Variants in CAPN5 observed in about 807,000 individuals in gnomAD.
The protein encoded by CAPN5 is calpain-5.
A neutral mutation model predicts 73.0 loss-of-function variants in CAPN5; 54 were observed. That is an observed-to-expected ratio of 0.74 (90% CI 0.59 to 0.93). The LOEUF (loss-of-function observed/expected upper bound fraction) is 0.93, where lower values mean the gene tolerates loss of function less well. Ranked by LOEUF, CAPN5 falls within the 40% of genes least tolerant of loss-of-function variation. CAPN5 has a pLI of 0.00. For missense variants in CAPN5, 785 were observed against 882.9 expected (o/e 0.89, Z 1.41); for synonymous variants, 335 against 356.9 (o/e 0.94, Z 0.69).
rs1950422728 is a variant in CAPN5, at chr11:77,112,604, A to G, written c.313A>G (p.Lys105Glu). ...CCCTACCCAGGTCATCCCAGACTGG[A>G]AGGAGCAGGAATGGGACCCCGAAAA... ...SLWQKVIPDW[K>E]EQEWDPEKPN... is the part of the protein sequence containing the mutation. The change falls in exon 4 of 13, where the codon AAG (lysine) becomes GAG (glutamate). Residue 105 changes from lysine to glutamate, a missense_variant. By Grantham distance (56) the Lys-to-Glu change is moderately conservative (BLOSUM62 1). Transcript: ENST00000648180. 6.4e-6 allele frequency: 10 copies of G among 1,571,338 alleles called. No homozygotes were observed. The highest frequency in any genetic ancestry group is 8.6e-6 in the Non-Finnish European group (10 of 1,156,660).
chr11:77,071,722 C>T (rs1555033119), intron 1 of CAPN5: 1 of 430,768 alleles, frequency 2.3e-6, no homozygotes, highest in Non-Finnish European at 4.8e-6. Context: ...CATCTTGGGG[C>T]TCTGGTTCAC....
chr11:77,117,691 C>T (rs1415486977), intron 7 of CAPN5, among the ~76,000 whole-genome samples: 6 of 152,218 alleles, frequency 3.9e-5, no homozygotes, highest in Admixed American at 1.3e-4. Flanking sequence ...CCCTGGCCAC[C>T]GCAGCAGGCT....
At chr11:77,110,161 C>T (rs1056612955) in intron 3 of CAPN5, among the ~76,000 whole-genome samples, 9 of 150,906 alleles carry the variant, frequency 6.0e-5, no homozygotes, top group African/African-American at 2.2e-4. Flanking sequence ...TTGCCCAGCT[C>T]ACTGCAACCT....
At position 77,122,031 on chromosome 11, in the gene CAPN5, C is replaced by T; in HGVS notation, c.1585C>T (p.Leu529Phe). ...GGTACATGTCCTGGGAGCTGCTGGC[C>T]TCAAGGACTCCCCAACAGGTGAGCT... is the stretch of plus-strand genomic sequence containing the variant. ...TQVHVLGAAG[L>F]KDSPTGANSY... The change falls in exon 11 of 13, where the codon CTC becomes TTC. Residue 529 changes from leucine (L) to phenylalanine (F), a missense_variant. Physicochemically the swap from Leu to Phe is conservative, Grantham distance 22 (BLOSUM62 0). Coordinates refer to ENST00000648180, the MANE Select transcript of CAPN5 (RefSeq NM_004055.5). The T allele has an allele frequency of 1.3e-6, 2 of 1,554,266 alleles. No individual in the cohort carries two copies. Among genetic ancestry groups the T allele is most frequent in the East Asian group, 2.4e-5 (1 of 41,090 alleles).
intron 11 of CAPN5, 26 bp downstream of exon 11, chr11:77,122,075 C>G: frequency 7.3e-7 from 1 of 1,370,514 alleles, no homozygotes; most frequent in Non-Finnish European, 9.9e-7. Context: ...GAGAGTCCCC[C>G]GGCCCTCCTG....
rs1555035807 is a variant in CAPN5, at chr11:77,087,923, A to T, written c.165+2872A>T. On this transcript the variant is annotated intron_variant, in intron 2 of 12. Transcript: ENST00000648180. Reference sequence around the variant, plus strand: ...CACACCCTTCACCCACAGGCTCGCTATGTTTTTGTTCTTTCCAGTACAGTG... The same window carrying T: ...CACACCCTTCACCCACAGGCTCGCTTTGTTTTTGTTCTTTCCAGTACAGTG... 3 of 1,535,786 alleles carry T rather than the reference A, an allele frequency of 2.0e-6. No individual in the cohort carries two copies. The South Asian group carries it at 3.6e-5, about 18-fold the overall frequency.
chr11:77,123,621 C>G (rs1297480446), intron 12 of CAPN5, 67 bp from the exon 13 acceptor site: 2 of 1,347,668 alleles, frequency 1.5e-6, no homozygotes, highest in Non-Finnish European at 2.1e-6. Flanking sequence ...ACCAGCACCC[C>G]CCATAGACCT....
At chr11:77,092,282 A>G (rs7943019) in intron 2 of CAPN5, among the ~76,000 whole-genome samples, 49,877 of 152,140 alleles carry the variant, frequency 0.33, 8,306 homozygotes, top group East Asian at 0.37. Context: ...TGTTTCTATT[A>G]TATAAATCAG....
At chr11:77,102,760 C>G (rs1950299020) in intron 3 of CAPN5, 9 of 1,440,100 alleles carry the variant, frequency 6.2e-6, no homozygotes, top group Non-Finnish European at 8.2e-6. Flanking sequence ...TGGGGCCCCC[C>G]TTTGGTGGCC....
chr11:77,104,853 G>A (rs1295942866), intron 3 of CAPN5, among the ~76,000 whole-genome samples: 2 of 152,232 alleles, frequency 1.3e-5, no homozygotes, highest in African/African-American at 2.4e-5. Flanking sequence ...TGGGGCTGCC[G>A]GGAGGGTGAG....
In CAPN5 at chr11:77,097,469, T is replaced by G. The variant is rs1200435368; in HGVS notation, c.297+3656T>G. On this transcript the variant is annotated intron_variant, in intron 3 of 12. Coordinates refer to ENST00000648180, the MANE Select transcript of CAPN5 (RefSeq NM_004055.5). The stretch of plus-strand genomic sequence containing the variant: ...GTTTCCTGTGTTTCCTTCTAGTTTT[T>G]TTTTTTTTTTTTTTTTTTTTATTGA... Among the ~76,000 whole-genome samples, 28 of 136,666 alleles carry G rather than the reference T, an allele frequency of 2.0e-4. 1 individual carries two copies. The highest frequency in any genetic ancestry group is 7.0e-4 in the African/African-American group (23 of 33,074). 89.7% of individuals were successfully genotyped at this position (136,666 alleles called of 152,430 possible). A position where few individuals can be genotyped will look rare whatever the true frequency, so the allele number is the denominator to read the frequency against.
At chr11:77,069,038 C>A (rs2135401382) in intron 1 of CAPN5, among the ~76,000 whole-genome samples, 1 of 152,258 alleles carries the variant, frequency 6.6e-6, no homozygotes, top group Admixed American at 6.5e-5. Context: ...AGTCCTGGTC[C>A]CCAAACAGGA....
intron 6 of CAPN5, 134 bp downstream of exon 6, chr11:77,115,722 G>A: frequency 1.4e-6 from 1 of 693,392 alleles, no homozygotes; most frequent in Admixed American, 2.8e-5. Flanking sequence ...AACGAAGAAG[G>A]GAGAATTACT....
intron 2 of CAPN5, among the ~76,000 whole-genome samples, chr11:77,091,093 C>T (rs1950144678): frequency 6.6e-6 from 1 of 152,190 alleles, no homozygotes; most frequent in African/African-American, 2.4e-5. Flanking sequence ...AATTCTAGCC[C>T]TTTCTCTGAC....
chr11:77,103,176 G>C (rs1950306555), intron 3 of CAPN5: 2 of 1,613,866 alleles, frequency 1.2e-6, no homozygotes, highest in Non-Finnish European at 1.7e-6. Context: ...GGAGGACTCG[G>C]ATGCCATAGA....
intron 6 of CAPN5, 121 bp from the exon 7 acceptor site, chr11:77,116,105 C>A: frequency 2.3e-6 from 2 of 866,718 alleles, no homozygotes; most frequent in Non-Finnish European, 3.7e-6. Context: ...CCTGGCCACA[C>A]CGTGCCGCTG....
chr11:77,120,669 T>C (rs782022115), intron 9 of CAPN5, 44 bp from the exon 10 acceptor site: 1 of 1,433,116 alleles, frequency 7.0e-7, no homozygotes, highest in Admixed American at 1.7e-5. Context: ...CAGGGTGTTG[T>C]AGGGTGTGTC....
chr11:77,085,302 A>G (rs1258425863), intron 2 of CAPN5, among the ~76,000 whole-genome samples: 1 of 152,176 alleles, frequency 6.6e-6, no homozygotes, highest in Non-Finnish European at 1.5e-5. Flanking sequence ...ACTTCCTCAC[A>G]GGAAAAATGG....
intron 2 of CAPN5, among the ~76,000 whole-genome samples, chr11:77,089,131 TG>T (rs1271343859): frequency 6.6e-6 from 1 of 152,126 alleles, no homozygotes; most frequent in Admixed American, 6.5e-5. Context: ...AGGCTGGTGG[TG>T]GGGACCCTAA....
Sources: allele counts gnomAD v4.1 joint callset (sites outside exome capture counted in the v4.1 genomes callset), GRCh38; gene constraint gnomAD v4.1.1; transcripts MANE v1.5; gene names NCBI Gene and HGNC (gene_info 2026-07-23, HGNC 2026-07-21).